SMYD3: variants seen among roughly 807,000 people sequenced by gnomAD.
SMYD3 encodes histone-lysine N-methyltransferase SMYD3.
In SMYD3, 36 loss-of-function variants were observed where a neutral mutation model predicts 57.7. That is an observed-to-expected ratio of 0.62 (90% CI 0.48 to 0.82). The LOEUF (loss-of-function observed/expected upper bound fraction) is 0.82, where lower values mean the gene tolerates loss of function less well. Among genes scored for constraint, SMYD3 ranks in the 40% least tolerant of loss-of-function variants. The probability of loss-of-function intolerance (pLI) is 0.00; values close to 1 mark genes in which losing one functional copy is unlikely to be tolerated. For synonymous variants in SMYD3, 211 were observed against 195.0 expected (o/e 1.08, Z -0.68); for missense variants, 515 against 538.8 (o/e 0.96, Z 0.44).
At chr1:246,491,044 T>G (rs549153272) in intron 1 of SMYD3, among the ~76,000 whole-genome samples, 1 of 152,230 alleles carries the variant, frequency 6.6e-6, no homozygotes, top group Non-Finnish European at 1.5e-5. Flanking sequence ...GAAAACAAAG[T>G]TCAGAGCTGT....
intron 5 of SMYD3, among the ~76,000 whole-genome samples, chr1:246,063,765 G>GA (rs1205327126): frequency 6.6e-6 from 1 of 151,892 alleles, no homozygotes; most frequent in African/African-American, 2.4e-5. Context: ...TCAGCCTCCC[G>GA]AGTAGCTGGG....
rs537999659 is a variant in SMYD3 at position 246,504,566 on chromosome 1, G to A, written c.164+2488C>T. On this transcript the variant is annotated intron_variant, in intron 1 of 11. Transcript: ENST00000490107. Reference sequence around the variant, plus strand: ...GCTGACCAAAATGTCGTTATGCAGTGCATGACTGTAATTATCATCAATATC... The same window carrying A: ...GCTGACCAAAATGTCGTTATGCAGTACATGACTGTAATTATCATCAATATC... Among the ~76,000 whole-genome samples, 220 of 152,278 alleles carry A rather than the reference G, an allele frequency of 1.4e-3. 2 individuals carry two copies. The highest frequency in any genetic ancestry group is 3.4e-3 in the Middle Eastern group (1 of 294).
intron 5 of SMYD3, among the ~76,000 whole-genome samples, chr1:246,313,588 T>C (rs2065113531): frequency 6.6e-6 from 1 of 152,218 alleles, no homozygotes; most frequent in South Asian, 2.1e-4. Flanking sequence ...AAACCAAATG[T>C]CAATCAAAAC....
At chr1:246,477,068 T>C (rs79197190) in intron 1 of SMYD3, among the ~76,000 whole-genome samples, 11 of 152,192 alleles carry the variant, frequency 7.2e-5, no homozygotes, top group African/African-American at 1.4e-4. Context: ...CTGATGTGAA[T>C]TGAAACCAAT....
intron 5 of SMYD3, among the ~76,000 whole-genome samples, chr1:246,173,146 G>T (rs113278754): frequency 6.9e-6 from 1 of 144,484 alleles, no homozygotes; most frequent in Non-Finnish European, 1.5e-5. Flanking sequence ...AACACTCACT[G>T]TTCTCTACTG....
intron 5 of SMYD3, among the ~76,000 whole-genome samples, chr1:245,972,599 G>A (rs546479647): frequency 9.0e-4 from 137 of 152,300 alleles, no homozygotes; most frequent in Non-Finnish European, 1.5e-3. Context: ...CCTGAACTAC[G>A]TTTCCCAGTT....
At chr1:246,224,704 T>C (rs1198348012) in intron 5 of SMYD3, among the ~76,000 whole-genome samples, 1 of 152,060 alleles carries the variant, frequency 6.6e-6, no homozygotes, top group African/African-American at 2.4e-5. Flanking sequence ...CGTTAGACTA[T>C]ACTGGTGGCA....
At chr1:246,317,581 C>A (rs1012397773) in intron 5 of SMYD3, among the ~76,000 whole-genome samples, 3 of 152,022 alleles carry the variant, frequency 2.0e-5, no homozygotes, top group Non-Finnish European at 4.4e-5. Context: ...ACAGCCACAC[C>A]CATTCATTCA....
intron 5 of SMYD3, among the ~76,000 whole-genome samples, chr1:245,944,908 T>C (rs2057380758): frequency 6.6e-6 from 1 of 152,050 alleles, no homozygotes; most frequent in South Asian, 2.1e-4. Context: ...ATTTAAAAAA[T>C]GGTACTGGGG....
intron 10 of SMYD3, among the ~76,000 whole-genome samples, chr1:245,798,393 C>CAAAT: frequency 7.3e-6 from 1 of 137,490 alleles, no homozygotes; most frequent in Non-Finnish European, 1.6e-5. Context: ...CACACGCGCA[C>CAAAT]ACACACACAC....
Position 246,345,805 on chromosome 1 carries a change from C to T in SMYD3, c.228+9226G>A, listed in dbSNP as rs556879057. Among the ~76,000 whole-genome samples, 34 of 152,302 alleles carry T rather than the reference C, an allele frequency of 2.2e-4. No individual in the cohort carries two copies. The South Asian group carries it at 5.6e-3, about 25-fold the overall frequency. On this transcript the variant is annotated intron_variant, in intron 2 of 11. Transcript: ENST00000490107. ...CCATACATCCTCTGTCTGGCCCTAA[C>T]ACCCTAAGAGGCAATATTCTTCTGC...
intron 10 of SMYD3, among the ~76,000 whole-genome samples, chr1:245,798,900 C>G (rs2817475): frequency 6.6e-6 from 1 of 151,984 alleles, no homozygotes; most frequent in East Asian, 1.9e-4. Flanking sequence ...CAGACCATGC[C>G]TTAGTGTTCC....
At chr1:245,913,376 G>T (rs12566581) in intron 8 of SMYD3, among the ~76,000 whole-genome samples, 214 of 146,654 alleles carry the variant, frequency 1.5e-3, no homozygotes, top group African/African-American at 4.8e-3. Context: ...GTGGGGGGAG[G>T]GGGGAGGGAT....
chr1:246,376,248 CT>C (rs901205551), intron 1 of SMYD3, among the ~76,000 whole-genome samples: 2 of 152,034 alleles, frequency 1.3e-5, no homozygotes, highest in Non-Finnish European at 2.9e-5. Context: ...TAGAACCGAT[CT>C]TATGTTCATA....
At chr1:246,057,824 T>C (rs1343114461) in intron 5 of SMYD3, among the ~76,000 whole-genome samples, 1 of 152,240 alleles carries the variant, frequency 6.6e-6, no homozygotes, top group East Asian at 1.9e-4. Flanking sequence ...GCTTTATTCA[T>C]AACTCCCCAA....
At chr1:245,872,724 G>C (rs1277980990) in intron 8 of SMYD3, among the ~76,000 whole-genome samples, 1 of 152,240 alleles carries the variant, frequency 6.6e-6, no homozygotes, top group Non-Finnish European at 1.5e-5. Flanking sequence ...ATCTCAGGCA[G>C]AAACAGGGCT....
intron 10 of SMYD3, among the ~76,000 whole-genome samples, chr1:245,853,088 T>C (rs2051056454): frequency 6.6e-6 from 1 of 152,246 alleles, no homozygotes; most frequent in Non-Finnish European, 1.5e-5. Flanking sequence ...TATTCATTTA[T>C]CAGGTGAAAT....
chr1:245,963,979 C>T (rs1217503915), intron 5 of SMYD3, among the ~76,000 whole-genome samples: 1 of 152,224 alleles, frequency 6.6e-6, no homozygotes, highest in Non-Finnish European at 1.5e-5. Flanking sequence ...AAAGACGTAA[C>T]CAATGCTGGC....
At chr1:246,088,679 C>G (rs1159017978) in intron 5 of SMYD3, among the ~76,000 whole-genome samples, 1 of 152,070 alleles carries the variant, frequency 6.6e-6, no homozygotes, top group Non-Finnish European at 1.5e-5. Context: ...TTTATTTTAT[C>G]CTAGAGGTAA....
Sources: gnomAD v4.1 joint callset for allele counts (sites outside exome capture counted in the v4.1 genomes callset) on GRCh38, gnomAD v4.1.1 for gene constraint, MANE v1.5 for transcripts, NCBI Gene and HGNC (gene_info 2026-07-23, HGNC 2026-07-21) for gene names.